Variants in DOCK8 observed in about 807,000 individuals in gnomAD.
DOCK8 encodes the protein dedicator of cytokinesis 8, also known as dedicator of cytokinesis protein 8.
In DOCK8, 141 loss-of-function variants were observed where a neutral mutation model predicts 245.6. The ratio of observed to expected loss-of-function variants is 0.57; its 90% CI spans 0.50 to 0.66. The LOEUF is 0.66. DOCK8 is among the 30% of genes least tolerant of loss of function. The pLI is 0.00. For synonymous variants in DOCK8, 1,168 were observed against 970.2 expected (o/e 1.20, Z -3.79); for missense variants, 2,965 against 2,603.4 (o/e 1.14, Z -3.02).
rs34390308 is a variant in DOCK8 at position 406,999 on chromosome 9, C to G, written c.3460C>G (p.Arg1154Gly). ...ASMFDLTSEY[R>G]QQHFLTGLLF... The stretch of plus-strand genomic sequence containing the variant: ...CATGTTCGATCTGACTTCCGAGTAC[C>G]GCCAGCAGCACTTCCTCACCGGGCT... Residue 1154 changes from arginine (R) to glycine (G), a missense_variant, in exon 28 of 48, where the codon CGC becomes GGC. Around this residue, in one of 3 missense-constraint regions of DOCK8, gnomAD observed 2,825 missense variants for 2,453.5 expected, o/e 1.15. Transcript: ENST00000432829. The G allele has an allele frequency of 6.2e-7, 1 of 1,614,128 alleles. No homozygotes were observed. The highest frequency in any genetic ancestry group is 2.2e-5 in the East Asian group (1 of 44,880).
At position 434,769 on chromosome 9, in the gene DOCK8, C is replaced by A; in HGVS notation, c.4887-14C>A. On this transcript the variant is annotated splice_polypyrimidine_tract_variant and intron_variant, in intron 38 of 47. Coordinates refer to ENST00000432829, the MANE Select transcript of DOCK8 (RefSeq NM_203447.4). Reference sequence around the variant, plus strand: ...ACTGTCCTCAAAACTACTTCTCACTCAATCTGTCTTCAGAATTGCCAAGAG... The same window carrying A: ...ACTGTCCTCAAAACTACTTCTCACTAAATCTGTCTTCAGAATTGCCAAGAG... 6.2e-7 allele frequency: 1 copy of A among 1,613,720 alleles called. No individual in the cohort carries two copies. The highest frequency in any genetic ancestry group is 1.1e-5 in the South Asian group (1 of 91,068).
At chr9:358,605 T>C (rs2052564111) in intron 14 of DOCK8, among the ~76,000 whole-genome samples, 1 of 150,296 alleles carries the variant, frequency 6.7e-6, no homozygotes, top group African/African-American at 2.5e-5. Flanking sequence ...TCCCAACAGT[T>C]TGGGAGGCCG....
intron 44 of DOCK8, among the ~76,000 whole-genome samples, chr9:447,488 C>T (rs2057301035): frequency 6.6e-6 from 1 of 152,082 alleles, no homozygotes; most frequent in Non-Finnish European, 1.5e-5. Flanking sequence ...GAGCAGAAGC[C>T]TTCTGGATGT....
intron 5 of DOCK8, among the ~76,000 whole-genome samples, chr9:305,964 T>A (rs1413724309): frequency 6.6e-6 from 1 of 152,090 alleles, no homozygotes; most frequent in African/African-American, 2.4e-5. Context: ...GTTTAATGGG[T>A]AGAGTTTCGG....
At chr9:344,611 T>A (rs2051779377) in intron 14 of DOCK8, among the ~76,000 whole-genome samples, 1 of 152,130 alleles carries the variant, frequency 6.6e-6, no homozygotes, top group Non-Finnish European at 1.5e-5. Context: ...CCTTGCCATC[T>A]CCCCATATCT....
At chr9:244,687 T>G (rs2047464545) in intron 1 of DOCK8, among the ~76,000 whole-genome samples, 1 of 152,228 alleles carries the variant, frequency 6.6e-6, no homozygotes, top group Non-Finnish European at 1.5e-5. Flanking sequence ...TGGCCAAACC[T>G]ATTCAGGTCT....
intron 6 of DOCK8, 109 bp from the exon 7 acceptor site, chr9:316,934 C>G (rs1329388328): frequency 2.3e-6 from 2 of 874,958 alleles, no homozygotes; most frequent in Non-Finnish European, 3.8e-6. Flanking sequence ...AAAAGCAAAT[C>G]TAAGTTAACT....
chr9:333,473 T>C (rs55910726), intron 10 of DOCK8, among the ~76,000 whole-genome samples: 2,126 of 152,186 alleles, frequency 0.014, 50 homozygotes, highest in African/African-American at 0.047. Flanking sequence ...TGGTGGCACG[T>C]GCCTGTATTC....
intron 1 of DOCK8, among the ~76,000 whole-genome samples, chr9:248,541 CT>C (rs1485433612): frequency 3.3e-5 from 2 of 59,912 alleles, no homozygotes; most frequent in South Asian, 1.3e-3. Flanking sequence ...CTCTTTCTTT[CT>C]TTCTTTCTCT....
intron 42 of DOCK8, among the ~76,000 whole-genome samples, chr9:442,720 G>C (rs772085730): frequency 6.6e-6 from 1 of 152,108 alleles, no homozygotes; most frequent in African/African-American, 2.4e-5. Flanking sequence ...ACAGGAATTT[G>C]TTTACAAAGA....
chr9:373,265 A>G (rs2053378229), intron 18 of DOCK8, among the ~76,000 whole-genome samples: 1 of 152,242 alleles, frequency 6.6e-6, no homozygotes, highest in Admixed American at 6.5e-5. Flanking sequence ...AGTTCCTTGC[A>G]TAGGTTTACA....
At chr9:247,191 C>T (rs893961392) in intron 1 of DOCK8, among the ~76,000 whole-genome samples, 4 of 152,170 alleles carry the variant, frequency 2.6e-5, no homozygotes, top group African/African-American at 9.7e-5. Flanking sequence ...GTTATTTACA[C>T]CTGATACACA....
chr9:274,149 G>A (rs1431994668), intron 2 of DOCK8, among the ~76,000 whole-genome samples: 1 of 152,214 alleles, frequency 6.6e-6, no homozygotes, highest in Non-Finnish European at 1.5e-5. Flanking sequence ...TTTGATGAAA[G>A]TGAATTTTGA....
At chr9:230,960 A>T (rs1399048479) in intron 1 of DOCK8, among the ~76,000 whole-genome samples, 2 of 151,902 alleles carry the variant, frequency 1.3e-5, no homozygotes, top group Admixed American at 6.6e-5. Context: ...GGTGTTTTAG[A>T]CATGAAGTCC....
chr9:444,528 G>A (rs1254758163), intron 43 of DOCK8, among the ~76,000 whole-genome samples: 1 of 152,046 alleles, frequency 6.6e-6, no homozygotes, highest in African/African-American at 2.4e-5. Flanking sequence ...TCTCCAACCA[G>A]GAAGCTCCGC....
chr9:425,256 G>T (rs118022010), intron 33 of DOCK8, among the ~76,000 whole-genome samples: 6,545 of 152,208 alleles, frequency 0.043, 206 homozygotes, highest in Middle Eastern at 0.071. Context: ...TAAGGGGCCG[G>T]GCACAGTGGC....
intron 1 of DOCK8, among the ~76,000 whole-genome samples, chr9:238,580 C>G (rs2047313720): frequency 6.6e-6 from 1 of 152,164 alleles, no homozygotes; most frequent in Non-Finnish European, 1.5e-5. Context: ...TAAGTCCTCA[C>G]TTAATGTTGT....
intron 43 of DOCK8, among the ~76,000 whole-genome samples, chr9:445,578 G>A (rs1438067857): frequency 6.6e-6 from 1 of 152,218 alleles, no homozygotes; most frequent in Non-Finnish European, 1.5e-5. Context: ...TCATAACCAA[G>A]ATATAGAACA....
chr9:227,600 G>C (rs1158389572), intron 1 of DOCK8, among the ~76,000 whole-genome samples: 1 of 152,140 alleles, frequency 6.6e-6, no homozygotes, highest in African/African-American at 2.4e-5. Flanking sequence ...TGAATTGTTT[G>C]TTATCTCACC....
Sources: gnomAD v4.1 joint callset for allele counts (sites outside exome capture counted in the v4.1 genomes callset) on GRCh38, gnomAD v4.1.1 for gene constraint, gnomAD v4.1.1 regional missense constraint, MANE v1.5 for transcripts, NCBI Gene and HGNC (gene_info 2026-07-23, HGNC 2026-07-21) for gene names.